The following VPS13B variants were observed in gnomAD, a reference collection of about 807,000 sequenced individuals.
VPS13B encodes the protein intermembrane lipid transfer protein VPS13B.
Under a neutral mutation model 426.4 loss-of-function variants are expected in VPS13B, and 285 were observed. The observed-to-expected ratio is 0.67, with a 90% CI of 0.61 to 0.74. The LOEUF (loss-of-function observed/expected upper bound fraction) is 0.74, where lower values mean the gene tolerates loss of function less well. VPS13B is among the 30% of genes least tolerant of loss of function. The probability of loss-of-function intolerance (pLI) is 0.00; values close to 1 mark genes in which losing one functional copy is unlikely to be tolerated. For missense variants in VPS13B, 4,537 were observed against 4,782.6 expected, an observed-to-expected ratio of 0.95 and a Z score of 1.51; for synonymous variants, 1,676 against 1,676.4, an observed-to-expected ratio of 1.00 and a Z score of 0.01.
intron 33 of VPS13B, among the ~76,000 whole-genome samples, chr8:99,598,158 G>A (rs1209868500): frequency 6.6e-6 from 1 of 151,990 alleles, no homozygotes; most frequent in African/African-American, 2.4e-5. Context: ...TGTTTGTGCA[G>A]CTAGACAATG....
chr8:99,411,575 C>G (rs1481488327), intron 21 of VPS13B, among the ~76,000 whole-genome samples: 1 of 152,194 alleles, frequency 6.6e-6, no homozygotes, highest in Non-Finnish European at 1.5e-5. Flanking sequence ...ATTTAGATCC[C>G]ATTTGTCAAT....
intron 3 of VPS13B, among the ~76,000 whole-genome samples, chr8:99,052,949 T>G (rs1219613672): frequency 1.3e-5 from 2 of 152,052 alleles, no homozygotes; most frequent in African/African-American, 2.4e-5. Context: ...TTGCTAGCGG[T>G]CTATCAATTT....
intron 58 of VPS13B, among the ~76,000 whole-genome samples, chr8:99,865,244 C>G (rs980885565): frequency 3.3e-5 from 5 of 152,228 alleles, no homozygotes; most frequent in Non-Finnish European, 7.3e-5. Flanking sequence ...TTCTACTACA[C>G]TCTGGAGCCT....
Position 99,575,796 on chromosome 8 carries a change from A to G in VPS13B, c.5076+12A>G. The G allele has an allele frequency of 6.2e-7, 1 of 1,612,100 alleles. No homozygotes were observed. Among genetic ancestry groups the G allele is most frequent in the Non-Finnish European group, 8.5e-7 (1 of 1,178,810 alleles). On this transcript the variant is annotated intron_variant, in intron 32 of 61. Transcript: ENST00000357162. The stretch of plus-strand genomic sequence containing the variant: ...ATTTGCATACTGAGGTTAGAACATA[A>G]TTTTGATTTTATTTTAGTCTAAATA...
chr8:99,726,216 A>G (rs1833344159), intron 39 of VPS13B, among the ~76,000 whole-genome samples: 2 of 152,362 alleles, frequency 1.3e-5, no homozygotes, highest in East Asian at 1.9e-4. Flanking sequence ...TGTTCCTAGA[A>G]TGCAAAAGCT....
At chr8:99,524,034 C>T (rs972474131) in intron 30 of VPS13B, among the ~76,000 whole-genome samples, 2 of 151,942 alleles carry the variant, frequency 1.3e-5, no homozygotes, top group African/African-American at 2.4e-5. Flanking sequence ...ATAAATTTAA[C>T]GAAGAGATTG....
intron 21 of VPS13B, among the ~76,000 whole-genome samples, chr8:99,408,557 A>T (rs1815454496): frequency 6.6e-6 from 1 of 152,114 alleles, no homozygotes; most frequent in Non-Finnish European, 1.5e-5. Flanking sequence ...TGAGAAAGAG[A>T]CTCAAGAGTT....
chr8:99,783,807 T>C (rs1188590115), intron 42 of VPS13B, among the ~76,000 whole-genome samples: 1 of 151,900 alleles, frequency 6.6e-6, no homozygotes, highest in Non-Finnish European at 1.5e-5. Flanking sequence ...TGAGCAGATT[T>C]ACACACACAC....
intron 19 of VPS13B, among the ~76,000 whole-genome samples, chr8:99,310,261 G>A (rs546936954): frequency 3.9e-4 from 60 of 152,156 alleles, no homozygotes; most frequent in South Asian, 8.3e-4. Context: ...GTCTTGTGCC[G>A]GTTTTCAAAG....
chr8:99,680,989 TTTA>T (rs1328776433), intron 35 of VPS13B, among the ~76,000 whole-genome samples: 65 of 152,220 alleles, frequency 4.3e-4, no homozygotes, highest in Admixed American at 2.7e-3. Context: ...AATTTTTACT[TTTA>T]TTTTTTAAGT....
intron 19 of VPS13B, among the ~76,000 whole-genome samples, chr8:99,327,711 C>T (rs1810348968): frequency 6.6e-6 from 1 of 152,164 alleles, no homozygotes; most frequent in South Asian, 2.1e-4. Flanking sequence ...CTAACTTACC[C>T]TCTATGTTTA....
chr8:99,671,776 GC>G (rs1184869242), intron 35 of VPS13B, among the ~76,000 whole-genome samples: 1 of 152,046 alleles, frequency 6.6e-6, no homozygotes, highest in Admixed American at 6.6e-5. Context: ...TCCTGCCTCA[GC>G]CCCCCAAGTT....
chr8:99,096,233 G>A, intron 3 of VPS13B, 79 bp from the exon 4 acceptor site: 2 of 1,523,208 alleles, frequency 1.3e-6, no homozygotes, highest in Non-Finnish European at 1.8e-6. Context: ...ACCATAAACT[G>A]CATATATTAA....
intron 17 of VPS13B, among the ~76,000 whole-genome samples, chr8:99,271,797 C>G (rs564723440): frequency 6.6e-6 from 1 of 152,322 alleles, no homozygotes; most frequent in African/African-American, 2.4e-5. Flanking sequence ...TGAGAACTCC[C>G]TCACTATCAT....
At chr8:99,039,734 T>G (rs1362837048) in intron 3 of VPS13B, among the ~76,000 whole-genome samples, 1 of 152,138 alleles carries the variant, frequency 6.6e-6, no homozygotes, top group Non-Finnish European at 1.5e-5. Context: ...TTATTTCCTA[T>G]TTTAAGTGGA....
chr8:99,226,205 C>G (rs746117391), intron 17 of VPS13B, among the ~76,000 whole-genome samples: 1 of 152,162 alleles, frequency 6.6e-6, no homozygotes. Flanking sequence ...CATAGAGTCT[C>G]TCATACCTCC....
intron 19 of VPS13B, among the ~76,000 whole-genome samples, chr8:99,335,296 A>G (rs1036324513): frequency 6.6e-6 from 1 of 151,910 alleles, no homozygotes; most frequent in Non-Finnish European, 1.5e-5. Context: ...TGTTGATCCT[A>G]TCAAAAAACC....
chr8:99,677,938 A>G (rs752175297), intron 35 of VPS13B, among the ~76,000 whole-genome samples: 33 of 152,074 alleles, frequency 2.2e-4, no homozygotes, highest in Non-Finnish European at 4.3e-4. Flanking sequence ...CTCCAGCCCC[A>G]TGCCTTTCCA....
chr8:99,098,160 T>G lies in VPS13B; in HGVS notation c.412+1728T>G, dbSNP rs982106376. On this transcript the variant is annotated intron_variant, in intron 4 of 61. Coordinates refer to ENST00000357162, the MANE Select transcript of VPS13B (RefSeq NM_152564.5). Reference sequence around the variant, plus strand: ...TGTTCACTCTGTTTTTTGTTCCTGTTTCCCATCTCATGCCTACTATTTACT... The same window carrying G: ...TGTTCACTCTGTTTTTTGTTCCTGTGTCCCATCTCATGCCTACTATTTACT... Among the ~76,000 whole-genome samples, 31 of 152,162 alleles carry G rather than the reference T, an allele frequency of 2.0e-4. 1 individual carries two copies. The highest frequency in any genetic ancestry group is 1.5e-5 in the Non-Finnish European group (1 of 68,004).
Sources: allele counts gnomAD v4.1 joint callset (sites outside exome capture counted in the v4.1 genomes callset), GRCh38; gene constraint gnomAD v4.1.1; transcripts MANE v1.5; gene names NCBI Gene and HGNC (gene_info 2026-07-23, HGNC 2026-07-21).